Variants in TLN2 observed in about 807,000 individuals in gnomAD.
TLN2 encodes the protein talin 2.
TLN2 carries 118 observed loss-of-function variants against 294.7 expected under a neutral mutation model. The ratio of observed to expected loss-of-function variants is 0.40; its 90% CI spans 0.34 to 0.47. TLN2 has a LOEUF of 0.47. Ranked by LOEUF, TLN2 falls within the 20% of genes least tolerant of loss-of-function variation. The probability of loss-of-function intolerance (pLI) is 0.84; values close to 1 mark genes in which losing one functional copy is unlikely to be tolerated. For missense variants in TLN2, 3,083 were observed against 3,282.2 expected, an observed-to-expected ratio of 0.94 and a Z score of 1.48; for synonymous variants, 1,431 against 1,304.5, an observed-to-expected ratio of 1.10 and a Z score of -2.09.
chr15:62,462,740 AGAACCAGT>A (rs1476743147), intron 1 of TLN2, among the ~76,000 whole-genome samples: 1 of 152,232 alleles, frequency 6.6e-6, no homozygotes, highest in African/African-American at 2.4e-5. Flanking sequence ...TTCCGGAACC[AGAACCAGT>A]GTGGTGTGAG....
intron 1 of TLN2, among the ~76,000 whole-genome samples, chr15:62,501,777 G>C (rs1342182017): frequency 6.6e-6 from 1 of 152,174 alleles, no homozygotes; most frequent in Non-Finnish European, 1.5e-5. Context: ...GACTAATGAA[G>C]GCTCACTGGG....
chr15:62,602,953 C>T (rs1240185356), intron 2 of TLN2, among the ~76,000 whole-genome samples: 3 of 151,020 alleles, frequency 2.0e-5, no homozygotes, highest in Non-Finnish European at 2.9e-5. Flanking sequence ...AGTGCAGTGG[C>T]GCGATCTTGG....
At position 62,662,824 on chromosome 15, in the gene TLN2, T is replaced by TTTTG. The variant is rs1391330877; in HGVS notation, c.788+4929_788+4930insGTTT. On this transcript the variant is annotated intron_variant, in intron 9 of 58. Coordinates refer to ENST00000636159, the MANE Select transcript of TLN2 (RefSeq NM_015059.3). ...GGTGTATTTTAGGGATTGAGAGAGT[T>TTTTG]TTTTTTTTTTTTTTTTGGAGACAGA... Among the ~76,000 whole-genome samples, 139 of 140,900 alleles carry TTTTG rather than the reference T, an allele frequency of 9.9e-4. 1 individual carries two copies. Among genetic ancestry groups the TTTTG allele is most frequent in the Non-Finnish European group, 1.9e-3 (125 of 64,212 alleles). 92.4% of individuals were successfully genotyped at this position (140,900 alleles called of 152,430 possible).
Position 62,840,571 on chromosome 15 carries a change from T to TAA in TLN2, c.7591_7592dup (p.Phe2532SerfsTer7). On this transcript the variant is annotated frameshift_variant, in exon 59 of 59. Coordinates refer to ENST00000636159, the MANE Select transcript of TLN2 (RefSeq NM_015059.3). LOFTEE classifies it high-confidence loss of function. Reference sequence around the variant, plus strand: ...TGGCCCAAATCCGCCAGCAGCAGTATAAGTTTTTACCCACCGAGCTGAGGG... The same window carrying TAA: ...TGGCCCAAATCCGCCAGCAGCAGTATAAAAGTTTTTACCCACCGAGCTGAGGG... The TAA allele has an allele frequency of 6.2e-7, 1 of 1,614,074 alleles. No individual in the cohort carries two copies. Among genetic ancestry groups the TAA allele is most frequent in the Non-Finnish European group, 8.5e-7 (1 of 1,180,006 alleles).
chr15:62,580,850 C>CT (rs397713345), intron 1 of TLN2, among the ~76,000 whole-genome samples: 1 of 151,284 alleles, frequency 6.6e-6, no homozygotes, highest in African/African-American at 2.4e-5. Flanking sequence ...GCCTTCGCCC[C>CT]GCCCCCTGAC....
Position 62,697,769 on chromosome 15 carries a change from G to T in TLN2, c.1374G>T (p.Ser458=), listed in dbSNP as rs147182716. Residue 458 remains serine (S), a synonymous_variant, in exon 15 of 59, where the codon TCG becomes TCT. Transcript: ENST00000636159. ...GSVALPAVMR[S]GSSGPETFNV... is the part of the protein sequence containing the mutation. Reference sequence around the variant, plus strand: ...TGGCGCTGCCGGCCGTGATGCGCTCGGGCTCCAGCGGGCCTGAGACCTTCA... The same window carrying T: ...TGGCGCTGCCGGCCGTGATGCGCTCTGGCTCCAGCGGGCCTGAGACCTTCA... 7 of 1,612,616 alleles carry T rather than the reference G, an allele frequency of 4.3e-6. No homozygotes were observed. In the South Asian group the frequency reaches 5.5e-5, roughly 13 times the overall value.
In TLN2 at chr15:62,719,887, G is replaced by A. The variant is rs749013771; in HGVS notation, c.2991+7G>A. On this transcript the variant is annotated splice_region_variant and intron_variant, in intron 25 of 58. Coordinates refer to ENST00000636159, the MANE Select transcript of TLN2 (RefSeq NM_015059.3). ...CAGCCAGAACTTCCTCCAGGTAACAGGGCTGTGGTCACCTTGGGCTCACTC... is the reference window on the plus strand; with the variant it reads ...CAGCCAGAACTTCCTCCAGGTAACAAGGCTGTGGTCACCTTGGGCTCACTC... The A allele has an allele frequency of 6.2e-7, 1 of 1,600,912 alleles. No individual in the cohort carries two copies. The highest frequency in any genetic ancestry group is 2.2e-5 in the East Asian group (1 of 44,552).
chr15:62,600,242 A>G (rs897637958), intron 2 of TLN2, among the ~76,000 whole-genome samples: 1 of 152,236 alleles, frequency 6.6e-6, no homozygotes, highest in Non-Finnish European at 1.5e-5. Flanking sequence ...GAGGTTGTGC[A>G]GCGACTTGGG....
intron 1 of TLN2, among the ~76,000 whole-genome samples, chr15:62,583,536 A>G (rs553955943): frequency 1.3e-5 from 2 of 152,108 alleles, no homozygotes; most frequent in Non-Finnish European, 2.9e-5. Context: ...ATGGGAGACT[A>G]TGCTGAGAAA....
At chr15:62,710,528 T>C (rs1044429147) in intron 21 of TLN2, among the ~76,000 whole-genome samples, 4 of 152,164 alleles carry the variant, frequency 2.6e-5, no homozygotes, top group East Asian at 3.8e-4. Flanking sequence ...TGAAATACTT[T>C]TAAATTTGCA....
intron 1 of TLN2, among the ~76,000 whole-genome samples, chr15:62,499,975 A>C (rs2039223171): frequency 6.6e-6 from 1 of 152,138 alleles, no homozygotes; most frequent in Non-Finnish European, 1.5e-5. Flanking sequence ...TCAAAATTAC[A>C]ATTCAGGTGA....
chr15:62,431,719 A>G (rs2035021458), intron 1 of TLN2, among the ~76,000 whole-genome samples: 1 of 152,274 alleles, frequency 6.6e-6, no homozygotes, highest in African/African-American at 2.4e-5. Flanking sequence ...AAAAACATTC[A>G]GAAAGAAGAA....
rs753843035 is a variant in TLN2, at chr15:62,711,965, A to G, written c.2522A>G (p.Asn841Ser). ...GCCCAAGCCACATCAGACCTCGTCA[A>G]TGCCATGAGGTCAGATGCAGAAGCC... ...VLAQATSDLVNAMRSDAEAEI... is the reference protein window; with the variant it reads ...VLAQATSDLVSAMRSDAEAEI... The change falls in exon 22 of 59, where the codon AAT becomes AGT. Residue 841 changes from asparagine (N) to serine (S), a missense_variant. Coordinates refer to ENST00000636159, the MANE Select transcript of TLN2 (RefSeq NM_015059.3). 3.1e-6 allele frequency: 5 copies of G among 1,614,060 alleles called. No individual in the cohort carries two copies. Among genetic ancestry groups the G allele is most frequent in the African/African-American group, 2.7e-5 (2 of 74,944 alleles).
At chr15:62,679,868 C>G (rs974190350) in intron 11 of TLN2, among the ~76,000 whole-genome samples, 2 of 152,172 alleles carry the variant, frequency 1.3e-5, no homozygotes, top group African/African-American at 4.8e-5. Flanking sequence ...GCAATTTTAT[C>G]ATATTTATAG....
chr15:62,809,876 A>T, intron 51 of TLN2, 49 bp from the exon 52 acceptor site: 2 of 1,579,924 alleles, frequency 1.3e-6, no homozygotes, highest in African/African-American at 2.7e-5. Context: ...GGACTGCCCA[A>T]TGCTGGCTTT....
In TLN2 at chr15:62,517,160, C is replaced by T. The variant is rs558546315; in HGVS notation, c.-237-72527C>T. 3.5e-4 allele frequency among the ~76,000 whole-genome samples: 54 copies of T among 152,318 alleles called. 1 individual carries two copies. The highest frequency in any genetic ancestry group is 1.3e-3 in the African/African-American group (52 of 41,570). Reference sequence around the variant, plus strand: ...GCTAATTCAGAGATTACCAAACCTTCGCCGTTCCTCCCACTTTGTGCCTTG... The same window carrying T: ...GCTAATTCAGAGATTACCAAACCTTTGCCGTTCCTCCCACTTTGTGCCTTG... On this transcript the variant is annotated intron_variant, in intron 1 of 58. Transcript: ENST00000636159.
intron 1 of TLN2, among the ~76,000 whole-genome samples, chr15:62,392,024 G>A (rs138419278): frequency 0.039 from 5,926 of 152,380 alleles, 177 homozygotes; most frequent in Non-Finnish European, 0.055. Context: ...CGTGGATCAG[G>A]ACCAGGGCCT....
At chr15:62,833,763 C>T (rs2069137478) in intron 55 of TLN2, 134 bp downstream of exon 55, 1 of 1,284,440 alleles carries the variant, frequency 7.8e-7, no homozygotes, top group South Asian at 1.8e-5. Flanking sequence ...TTGCCACTCT[C>T]TGTGCTGACC....
chr15:62,648,054 G>A (rs1030263255), intron 4 of TLN2, among the ~76,000 whole-genome samples: 1 of 152,020 alleles, frequency 6.6e-6, no homozygotes, highest in Non-Finnish European at 1.5e-5. Flanking sequence ...GTATTTGACA[G>A]GCAGTTGAGA....
Sources: gnomAD v4.1 joint callset for allele counts (sites outside exome capture counted in the v4.1 genomes callset) on GRCh38, gnomAD v4.1.1 for gene constraint, MANE v1.5 for transcripts, NCBI Gene and HGNC (gene_info 2026-07-23, HGNC 2026-07-21) for gene names.